CAMTA1: variants seen among roughly 807,000 people sequenced by gnomAD.
CAMTA1 encodes calmodulin-binding transcription activator 1.
Under a neutral mutation model 170.9 loss-of-function variants are expected in CAMTA1, and 27 were observed. That is an observed-to-expected ratio of 0.16 (90% CI 0.12 to 0.22). The LOEUF (loss-of-function observed/expected upper bound fraction) is 0.22. CAMTA1 is among the 10% of genes least tolerant of loss of function. The probability of loss-of-function intolerance (pLI) is 1.00; values close to 1 mark genes in which losing one functional copy is unlikely to be tolerated. For synonymous variants in CAMTA1, 833 were observed against 891.5 expected (o/e 0.93, Z 1.17); for missense variants, 1,619 against 2,217.2 (o/e 0.73, Z 5.42).
At chr1:7,000,180 C>T (rs1236155545) in intron 3 of CAMTA1, among the ~76,000 whole-genome samples, 1 of 152,186 alleles carries the variant, frequency 6.6e-6, no homozygotes, top group Non-Finnish European at 1.5e-5. Context: ...GCTGGGCCAC[C>T]GAAAGCTGGC....
At chr1:7,222,308 C>A (rs182329312) in intron 4 of CAMTA1, among the ~76,000 whole-genome samples, 37 of 152,252 alleles carry the variant, frequency 2.4e-4, no homozygotes, top group African/African-American at 7.9e-4. Context: ...TCCATGAGCA[C>A]CTCTGGCTGT....
chr1:7,488,272 TG>T (rs2093644629), intron 6 of CAMTA1, among the ~76,000 whole-genome samples: 1 of 152,146 alleles, frequency 6.6e-6, no homozygotes. Flanking sequence ...GCTGTGAGGC[TG>T]GGCCAAGTGT....
At chr1:7,114,674 G>C (rs1644261162) in intron 4 of CAMTA1, among the ~76,000 whole-genome samples, 1 of 152,184 alleles carries the variant, frequency 6.6e-6, no homozygotes, top group African/African-American at 2.4e-5. Context: ...AGACCCAGGA[G>C]AGCTGATGGT....
At chr1:7,152,700 C>G (rs1646646883) in intron 4 of CAMTA1, among the ~76,000 whole-genome samples, 1 of 152,128 alleles carries the variant, frequency 6.6e-6, no homozygotes, top group Non-Finnish European at 1.5e-5. Flanking sequence ...GCCTCTGAGT[C>G]CCTCCCAGCC....
rs905351500 is a variant in CAMTA1 at position 7,511,373 on chromosome 1, A to G, written c.510+43472A>G. On this transcript the variant is annotated intron_variant, in intron 6 of 22. Coordinates refer to ENST00000303635, the MANE Select transcript of CAMTA1 (RefSeq NM_015215.4). ...ATATATTAAGTGTTATGAGAAAAAG[A>G]AATAATGAATGTAAATCACTTGGCA... Among the ~76,000 whole-genome samples, 32 of 115,930 alleles carry G rather than the reference A, an allele frequency of 2.8e-4. 3 individuals are homozygous for G. The highest frequency in any genetic ancestry group is 8.5e-4 in the African/African-American group (31 of 36,534). 76.1% of individuals were successfully genotyped at this position (115,930 alleles called of 152,430 possible).
Position 6,887,826 on chromosome 1 carries a change from C to T in CAMTA1, c.234+62616C>T. On this transcript the variant is annotated intron_variant, in intron 3 of 22. Transcript: ENST00000303635. This position sits in a 1 kb window ranked among gnomAD's most constrained non-coding sequence, Gnocchi z 4.1. Reference sequence around the variant, plus strand: ...CAGTTCTATTAGTGAATTAACTGTTCTCAAAACCCCAAATTAATTTGAACC... The same window carrying T: ...CAGTTCTATTAGTGAATTAACTGTTTTCAAAACCCCAAATTAATTTGAACC... The T allele has an allele frequency of 1.4e-6, 2 of 1,471,184 alleles. No individual in the cohort carries two copies. Among genetic ancestry groups the T allele is most frequent in the East Asian group, 2.5e-5 (1 of 39,820 alleles). The allele number at this position is 1,471,184 out of a possible 1,614,324, so 91.1% of individuals were successfully genotyped here.
chr1:7,674,169 T>C lies in CAMTA1; in HGVS notation c.2779+3132T>C, dbSNP rs1402920020. On this transcript the variant is annotated intron_variant, in intron 10 of 22. Coordinates refer to ENST00000303635, the MANE Select transcript of CAMTA1 (RefSeq NM_015215.4). The surrounding 1 kb of genome is among the most constrained non-coding windows in gnomAD (Gnocchi z 4.1). ...CACAGTTGGCCAATGCCCACCCGTC[T>C]CCCAACACACCTGCCCAAGCAAAAC... is the stretch of plus-strand genomic sequence containing the variant. 6.6e-6 allele frequency among the ~76,000 whole-genome samples: 1 copy of C among 152,160 alleles called. No homozygotes were observed. Among genetic ancestry groups the C allele is most frequent in the Non-Finnish European group, 1.5e-5 (1 of 68,032 alleles).
intron 3 of CAMTA1, among the ~76,000 whole-genome samples, chr1:6,924,774 A>T (rs1221010687): frequency 1.3e-5 from 2 of 152,236 alleles, no homozygotes; most frequent in Non-Finnish European, 2.9e-5. Flanking sequence ...GTGCCTATGA[A>T]TACCCTTTCT....
intron 4 of CAMTA1, among the ~76,000 whole-genome samples, chr1:7,148,144 C>T (rs1438721568): frequency 6.6e-6 from 1 of 151,052 alleles, no homozygotes; most frequent in East Asian, 1.9e-4. Flanking sequence ...AATGCATACA[C>T]ACACGACACA....
intron 3 of CAMTA1, among the ~76,000 whole-genome samples, chr1:6,899,538 A>ACG (rs753718746): frequency 0.016 from 1,885 of 117,304 alleles, 16 homozygotes; most frequent in Middle Eastern, 0.023. Context: ...TATGTGTATA[A>ACG]CGCGCACGCG....
chr1:6,942,894 C>G (rs188835215), intron 3 of CAMTA1, among the ~76,000 whole-genome samples: 26 of 152,298 alleles, frequency 1.7e-4, no homozygotes, highest in Admixed American at 1.5e-3. Context: ...GACACTCTCA[C>G]TCAGAGTGGC....
intron 3 of CAMTA1, chr1:7,008,692 A>G (rs1274991740): frequency 6.6e-6 from 1 of 152,232 alleles, no homozygotes; most frequent in Admixed American, 6.5e-5. Flanking sequence ...CCTTACGAGT[A>G]GCTCTGAAAG....
intron 1 of CAMTA1, among the ~76,000 whole-genome samples, chr1:6,815,210 CTTT>C (rs942240343): frequency 6.9e-6 from 1 of 144,836 alleles, no homozygotes; most frequent in Non-Finnish European, 1.5e-5. Flanking sequence ...TTGGGTATTT[CTTT>C]TTTTTTTTTG....
chr1:7,077,224 G>GTT (rs113439901), intron 3 of CAMTA1, among the ~76,000 whole-genome samples: 2,488 of 118,482 alleles, frequency 0.021, 131 homozygotes, highest in East Asian at 0.16. Flanking sequence ...TTAAGGAAAG[G>GTT]TTTTTTTTTT....
intron 3 of CAMTA1, among the ~76,000 whole-genome samples, chr1:6,832,384 C>T (rs1353576728): frequency 1.3e-5 from 2 of 152,044 alleles, no homozygotes; most frequent in African/African-American, 4.8e-5. Flanking sequence ...GTTACCTTAC[C>T]TTTTAAAAAA....
At chr1:7,091,419 T>C (rs72640073) in intron 4 of CAMTA1, 48 bp downstream of exon 4, 213,673 of 1,335,422 alleles carry the variant, frequency 0.16, 18,128 homozygotes, top group Middle Eastern at 0.18. Context: ...CATAAGTGGA[T>C]TGATTTGCAT....
At chr1:7,259,867 C>T (rs1667919136) in intron 5 of CAMTA1, among the ~76,000 whole-genome samples, 1 of 152,230 alleles carries the variant, frequency 6.6e-6, no homozygotes, top group South Asian at 2.1e-4. Context: ...TTCTTCCATC[C>T]TTTAGCTCCT....
intron 3 of CAMTA1, among the ~76,000 whole-genome samples, chr1:7,031,641 G>A (rs1702812726): frequency 6.6e-6 from 1 of 152,178 alleles, no homozygotes; most frequent in Non-Finnish European, 1.5e-5. Context: ...CCGGGTTCAA[G>A]TGATTCCCCT....
intron 7 of CAMTA1, among the ~76,000 whole-genome samples, chr1:7,658,850 G>T (rs1431618614): frequency 6.6e-6 from 1 of 152,218 alleles, no homozygotes; most frequent in Non-Finnish European, 1.5e-5. Context: ...GTGCTTAGGG[G>T]GATGCTGGAG....
Sources: allele counts gnomAD v4.1 joint callset (sites outside exome capture counted in the v4.1 genomes callset), GRCh38; gene constraint gnomAD v4.1.1; non-coding constraint Gnocchi (gnomAD v3.1); transcripts MANE v1.5; gene names NCBI Gene and HGNC (gene_info 2026-07-23, HGNC 2026-07-21).